Variants in GPM6B observed in about 807,000 individuals in gnomAD.
GPM6B encodes the protein glycoprotein M6B.
GPM6B carries 4 observed loss-of-function variants against 27.2 expected under a neutral mutation model. The observed-to-expected ratio is 0.15, with a 90% CI of 0.07 to 0.34. GPM6B has a LOEUF of 0.34. Among genes scored for constraint, GPM6B ranks in the 10% least tolerant of loss-of-function variants. The pLI, the probability that GPM6B is intolerant of heterozygous loss-of-function variation, is 1.00. For synonymous variants in GPM6B, 124 were observed against 103.1 expected, an observed-to-expected ratio of 1.20 and a Z score of -1.23; for missense variants, 183 against 261.9, an observed-to-expected ratio of 0.70 and a Z score of 2.08.
At position 13,865,542 on chromosome X, in the gene GPM6B, CAAAAAA is replaced by C. The variant is rs1171503867; in HGVS notation, c.-198+72779_-198+72784del. ...ACCACACGGTAAAAATCCATCTCTTCAAAAAAAAAAAAAAAAAAAAGAAAGAAAGAA... is the reference window on the plus strand; with the variant it reads ...ACCACACGGTAAAAATCCATCTCTTCAAAAAAAAAAAAAAGAAAGAAAGAA... On this transcript the variant is annotated intron_variant, in intron 1 of 6. Transcript: ENST00000398361. 8.9e-4 allele frequency among the ~76,000 whole-genome samples: 13 copies of C among 14,630 alleles called. 1 individual carries two copies. Among genetic ancestry groups the C allele is most frequent in the South Asian group, 8.7e-3 (2 of 231 alleles). 12.7% of individuals were successfully genotyped at this position (14,630 alleles called of 115,157 possible).
chrX:13,902,389 G>A (rs758252208), intron 1 of GPM6B, among the ~76,000 whole-genome samples: 1 of 110,552 alleles, frequency 9.0e-6, no homozygotes, highest in South Asian at 3.9e-4. Flanking sequence ...CTCTAAGCTA[G>A]ACATAGCATG....
intron 2 of GPM6B, 31 bp downstream of exon 2, chrX:13,807,619 C>T: frequency 9.2e-7 from 1 of 1,091,464 alleles, no homozygotes. Context: ...AGTTGACTTG[C>T]TATTAGAATT....
Position 13,841,055 on chromosome X carries a change from C to T in GPM6B, c.-197-55247G>A, listed in dbSNP as rs149565235. ...ATAAGGCATACCTGCATACTTTAGA[C>T]GTTCATATATGAATAAACATATGTA... On this transcript the variant is annotated intron_variant, in intron 1 of 6. Coordinates refer to the GPM6B transcript ENST00000398361. Among the ~76,000 whole-genome samples the T allele has an allele frequency of 1.5e-3, 164 of 112,215 alleles. 1 individual carries two copies. The highest frequency in any genetic ancestry group is 5.1e-3 in the African/African-American group (156 of 30,836).
At chrX:13,910,738 G>C (rs935238835) in intron 1 of GPM6B, among the ~76,000 whole-genome samples, 1 of 112,546 alleles carries the variant, frequency 8.9e-6, no homozygotes, top group Non-Finnish European at 1.9e-5. Context: ...TTAAAGAACA[G>C]ACCATGAGTA....
At chrX:13,774,534 C>A in intron 7 of GPM6B, 2 of 1,206,253 alleles carry the variant, frequency 1.7e-6, no homozygotes, top group Non-Finnish European at 2.2e-6. Context: ...TCTAAAACTC[C>A]TTATGCAATT....
At chrX:13,816,746 T>A in intron 1 of GPM6B, 98 bp downstream of exon 1, 1 of 1,015,467 alleles carries the variant, frequency 9.8e-7, no homozygotes, top group Non-Finnish European at 1.4e-6. Flanking sequence ...AGGGATTGTC[T>A]CAGAGCCATT....
chrX:13,889,321 G>A (rs924506102), intron 1 of GPM6B: 3 of 111,663 alleles, frequency 2.7e-5, no homozygotes, highest in Non-Finnish European at 5.6e-5. Flanking sequence ...CCTGTTCCTA[G>A]GGAGGTTAAC....
chrX:13,908,327 C>T (rs929121852), intron 1 of GPM6B, among the ~76,000 whole-genome samples: 6 of 112,171 alleles, frequency 5.3e-5, no homozygotes, highest in Admixed American at 9.5e-5. Flanking sequence ...ATATGACACA[C>T]TGCAAAGGGT....
At chrX:13,830,351 G>A (rs140432292) in intron 1 of GPM6B, among the ~76,000 whole-genome samples, 145 of 112,001 alleles carry the variant, frequency 1.3e-3, no homozygotes, top group African/African-American at 4.4e-3. Flanking sequence ...AATGACCAAG[G>A]AACCTGACCA....
intron 1 of GPM6B, among the ~76,000 whole-genome samples, chrX:13,878,122 GAAC>G (rs2050057675): frequency 9.7e-6 from 1 of 103,494 alleles, no homozygotes; most frequent in African/African-American, 3.6e-5. Flanking sequence ...GCAAGGTAGA[GAAC>G]AACAAATGGA....
intron 1 of GPM6B, among the ~76,000 whole-genome samples, chrX:13,890,600 C>A (rs183756813): frequency 1.7e-4 from 19 of 111,102 alleles, no homozygotes; most frequent in African/African-American, 6.2e-4. Context: ...GTAAGCTATA[C>A]CAGGGTTTCT....
In GPM6B at chrX:13,926,430, AAAAAAAACACAC is replaced by A. The variant is rs1356874398; in HGVS notation, c.-198+11885_-198+11896del. 7.5e-3 allele frequency among the ~76,000 whole-genome samples: 148 copies of A among 19,615 alleles called. 2 individuals carry two copies. Among genetic ancestry groups the A allele is most frequent in the Admixed American group, 0.025 (79 of 3,119 alleles). The allele number at this position is 19,615 out of a possible 115,157, so 17.0% of individuals were successfully genotyped here. A position where few individuals can be genotyped will look rare whatever the true frequency, so the allele number is the denominator to read the frequency against. On this transcript the variant is annotated intron_variant, in intron 1 of 6. Coordinates refer to the GPM6B transcript ENST00000398361. ...ATCTCAAAAAAACAAACAAACAAAA[AAAAAAAACACAC>A]AAAAAAAGCAGAGGATCAAGAATAG...
chrX:13,832,278 G>C (rs2049448313), intron 1 of GPM6B, among the ~76,000 whole-genome samples: 1 of 111,788 alleles, frequency 8.9e-6, no homozygotes, highest in Non-Finnish European at 1.9e-5. Flanking sequence ...CTCACACCAG[G>C]TGATTCTGAG....
intron 6 of GPM6B, 63 bp downstream of exon 6, chrX:13,777,289 C>CT (rs1376272301): frequency 6.3e-6 from 5 of 798,379 alleles, no homozygotes; most frequent in Non-Finnish European, 5.8e-6. Context: ...CTTTCTACAG[C>CT]TGGGAGAACC....
chrX:13,933,615 C>CGA (rs1193932820), intron 1 of GPM6B, among the ~76,000 whole-genome samples: 1 of 112,148 alleles, frequency 8.9e-6, no homozygotes. Context: ...GAGTGCCAAA[C>CGA]GAGAGAGTTT....
At chrX:13,801,854 G>A (rs184636056) in intron 2 of GPM6B, among the ~76,000 whole-genome samples, 254 of 111,826 alleles carry the variant, frequency 2.3e-3, no homozygotes, top group Middle Eastern at 9.2e-3. Flanking sequence ...GAAAATACAA[G>A]CATGATGATC....
At chrX:13,807,836 T>C in intron 1 of GPM6B, 67 bp from the exon 2 acceptor site, 1 of 1,011,496 alleles carries the variant, frequency 9.9e-7, no homozygotes, top group South Asian at 2.8e-5. Context: ...TCAGCATTTT[T>C]ATTTATTCTT....
chrX:13,930,630 AC>A (rs1921461742), intron 1 of GPM6B, among the ~76,000 whole-genome samples: 2 of 111,806 alleles, frequency 1.8e-5, no homozygotes, highest in African/African-American at 6.5e-5. Context: ...AAAAAAAGAA[AC>A]GAACAAGGGA....
chrX:13,810,834 A>T (rs1294769139), intron 1 of GPM6B, among the ~76,000 whole-genome samples: 1 of 110,972 alleles, frequency 9.0e-6, no homozygotes, highest in Non-Finnish European at 1.9e-5. Flanking sequence ...CCCTGGACTT[A>T]CACTTCTGGA....
Sources: gnomAD v4.1 joint callset for allele counts (sites outside exome capture counted in the v4.1 genomes callset) on GRCh38, gnomAD v4.1.1 for gene constraint, MANE v1.5 for transcripts, NCBI Gene and HGNC (gene_info 2026-07-23, HGNC 2026-07-21) for gene names.